GPHN: variants seen among roughly 807,000 people sequenced by gnomAD.
GPHN encodes the protein gephyrin.
GPHN carries 17 observed loss-of-function variants against 95.5 expected under a neutral mutation model. The ratio of observed to expected loss-of-function variants is 0.18; its 90% CI spans 0.12 to 0.27. GPHN has a LOEUF of 0.27. GPHN is among the 10% of genes least tolerant of loss of function. The probability of loss-of-function intolerance (pLI) is 1.00; values close to 1 mark genes in which losing one functional copy is unlikely to be tolerated. For synonymous variants in GPHN, 320 were observed against 322.5 expected (o/e 0.99, Z 0.08); for missense variants, 660 against 978.1 (o/e 0.67, Z 4.34).
chr14:66,679,872 A>G (rs75025559), intron 1 of GPHN, among the ~76,000 whole-genome samples: 8,925 of 152,090 alleles, frequency 0.059, 359 homozygotes, highest in Middle Eastern at 0.099. Context: ...TTCTAACTCT[A>G]TATCATCTGT....
the GPHN span, among the ~76,000 whole-genome samples, chr14:67,226,609 C>T: frequency 1.3e-5 from 2 of 152,144 alleles, no homozygotes; most frequent in Non-Finnish European, 2.9e-5. Context: ...GATCCGCCCG[C>T]CTCAGCCTCC....
chr14:67,475,520 G>C, the GPHN span, among the ~76,000 whole-genome samples: 1 of 152,106 alleles, frequency 6.6e-6, no homozygotes, highest in African/African-American at 2.4e-5. Context: ...AATGTACAAG[G>C]GTTCCAATTT....
chr14:67,053,274 A>T (rs940859574), intron 10 of GPHN, among the ~76,000 whole-genome samples: 1 of 151,858 alleles, frequency 6.6e-6, no homozygotes, highest in African/African-American at 2.4e-5. Flanking sequence ...AAAAATGATA[A>T]AGGGGATATC....
the GPHN span, among the ~76,000 whole-genome samples, chr14:67,219,513 C>CT: frequency 6.6e-6 from 1 of 152,182 alleles, no homozygotes; most frequent in Non-Finnish European, 1.5e-5. Context: ...AGTCAGCCAT[C>CT]TTGCTGACAT....
At chr14:67,353,150 T>A in the GPHN span, 1 of 773,250 alleles carries the variant, frequency 1.3e-6, no homozygotes, top group Non-Finnish European at 2.1e-6. Flanking sequence ...GTGATGAAAG[T>A]GAGACTATAT....
the GPHN span, among the ~76,000 whole-genome samples, chr14:67,429,282 G>A: frequency 3.3e-5 from 5 of 149,882 alleles, no homozygotes; most frequent in Admixed American, 6.6e-5. Flanking sequence ...CCAGGCTGGC[G>A]TGCAGTGGCG....
chr14:66,724,381 G>T lies in GPHN; in HGVS notation c.143+43196G>T, dbSNP rs142306475. ...CAAGTGACTAAGGAGACATCTAGCA[G>T]CTGTTCAGTTTTCTCCAAACTCTGT... On this transcript the variant is annotated intron_variant, in intron 2 of 22. Transcript: ENST00000478722. Among the ~76,000 whole-genome samples, 540 of 152,256 alleles carry T rather than the reference G, an allele frequency of 3.5e-3. 8 individuals carry two copies. Among genetic ancestry groups the T allele is most frequent in the African/African-American group, 0.013 (525 of 41,550 alleles).
At chr14:67,251,082 A>G in the GPHN span, among the ~76,000 whole-genome samples, 1 of 152,218 alleles carries the variant, frequency 6.6e-6, no homozygotes, top group African/African-American at 2.4e-5. Context: ...ATTATAAGTG[A>G]TAGAAAGGAG....
At chr14:67,344,846 A>ATG in the GPHN span, among the ~76,000 whole-genome samples, 1 of 151,848 alleles carries the variant, frequency 6.6e-6, no homozygotes, top group African/African-American at 2.4e-5. Flanking sequence ...GCAACACTGC[A>ATG]CTCCAGCCTG....
intron 5 of GPHN, among the ~76,000 whole-genome samples, chr14:66,913,525 T>C (rs953757383): frequency 4.6e-5 from 7 of 152,100 alleles, no homozygotes; most frequent in Non-Finnish European, 1.0e-4. Flanking sequence ...GTATTTTTAG[T>C]AGAGACAGGG....
chr14:66,690,443 C>A (rs911897660), intron 2 of GPHN, among the ~76,000 whole-genome samples: 2 of 152,012 alleles, frequency 1.3e-5, no homozygotes, highest in Non-Finnish European at 2.9e-5. Flanking sequence ...GTTTTGTGAC[C>A]TAATATGTGG....
chr14:67,272,931 C>T, the GPHN span, among the ~76,000 whole-genome samples: 1 of 152,238 alleles, frequency 6.6e-6, no homozygotes, highest in East Asian at 1.9e-4. Flanking sequence ...GCCTCAGCCT[C>T]CCCAAATGCT....
At chr14:67,439,009 T>C in the GPHN span, among the ~76,000 whole-genome samples, 2 of 152,122 alleles carry the variant, frequency 1.3e-5, no homozygotes, top group African/African-American at 4.8e-5. Context: ...CATCAGTTCC[T>C]AAAGCAAGTG....
chr14:66,854,962 C>A (rs1412436148), intron 4 of GPHN, among the ~76,000 whole-genome samples: 1 of 152,000 alleles, frequency 6.6e-6, no homozygotes, highest in African/African-American at 2.4e-5. Flanking sequence ...ATTCTCCTGC[C>A]TCAGCCTCCT....
chr14:66,640,915 AT>A (rs1266138495), intron 1 of GPHN, among the ~76,000 whole-genome samples: 1 of 152,202 alleles, frequency 6.6e-6, no homozygotes, highest in Admixed American at 6.5e-5. Flanking sequence ...TGGTAATCAC[AT>A]TCAATATAAA....
the GPHN span, among the ~76,000 whole-genome samples, chr14:67,257,608 A>T: frequency 6.6e-6 from 1 of 152,150 alleles, no homozygotes; most frequent in African/African-American, 2.4e-5. Context: ...TAAAAAAAAA[A>T]GAAATGGCAT....
At chr14:67,599,728 G>A in the GPHN span, among the ~76,000 whole-genome samples, 1 of 152,176 alleles carries the variant, frequency 6.6e-6, no homozygotes, top group Non-Finnish European at 1.5e-5. Context: ...AGAACACATG[G>A]CAGTTAAAGT....
the GPHN span, among the ~76,000 whole-genome samples, chr14:67,341,556 G>A: frequency 6.6e-6 from 1 of 151,062 alleles, no homozygotes; most frequent in African/African-American, 2.4e-5. Context: ...CGTCCGGGAG[G>A]GAGGTGGGGG....
chr14:67,338,624 T>C, the GPHN span: 5 of 1,613,492 alleles, frequency 3.1e-6, no homozygotes, highest in African/African-American at 1.3e-5. Context: ...GGAAAGATTA[T>C]TCAAATAGAA....
Sources: allele counts gnomAD v4.1 joint callset (sites outside exome capture counted in the v4.1 genomes callset), GRCh38; gene constraint gnomAD v4.1.1; transcripts MANE v1.5; gene names NCBI Gene and HGNC (gene_info 2026-07-23, HGNC 2026-07-21).